Variants in PI4KA observed in about 807,000 individuals in gnomAD.
PI4KA encodes the protein PI4-kinase alpha.
PI4KA carries 122 observed loss-of-function variants against 271.4 expected under a neutral mutation model. The ratio of observed to expected loss-of-function variants is 0.45; its 90% confidence interval spans 0.39 to 0.52. PI4KA has a LOEUF of 0.52. Ranked by LOEUF, PI4KA falls within the 20% of genes least tolerant of loss-of-function variation. PI4KA has a pLI of 0.00. For missense variants in PI4KA, 1,969 were observed against 2,769.1 expected (o/e 0.71, Z 6.48); for synonymous variants, 1,041 against 1,078.8 (o/e 0.96, Z 0.69).
At chr22:20,838,267 T>C (rs1222739069) in intron 2 of PI4KA, among the ~76,000 whole-genome samples, 1 of 152,212 alleles carries the variant, frequency 6.6e-6, no homozygotes, top group Non-Finnish European at 1.5e-5. Flanking sequence ...TGAGTCTGAC[T>C]GATAAGCATT....
At chr22:20,733,915 T>C in intron 34 of PI4KA, 72 bp from the exon 35 acceptor site, 1 of 1,599,126 alleles carries the variant, frequency 6.3e-7, no homozygotes, top group South Asian at 1.1e-5. Flanking sequence ...TGGACTCTCT[T>C]CCCTGCCCTT....
chr22:20,793,951 C>T lies in PI4KA; in HGVS notation c.2278-708G>A, dbSNP rs193227277. Among the ~76,000 whole-genome samples the T allele has an allele frequency of 4.6e-5, 7 of 152,338 alleles. No homozygotes were observed. The East Asian group carries it at 5.8e-4, about 13-fold the overall frequency. On this transcript the variant is annotated intron_variant, in intron 18 of 54. Transcript: ENST00000255882. ...AGCTGAAGACCTTGAGCATACACTG[C>T]GGCCAGGCACTGTGCTCAGTGCTTC...
chr22:20,853,694 T>C (rs1304835981), intron 1 of PI4KA, among the ~76,000 whole-genome samples: 3 of 152,100 alleles, frequency 2.0e-5, no homozygotes, highest in African/African-American at 7.2e-5. Flanking sequence ...AGCTCAGCCA[T>C]GGATCAGAAC....
intron 42 of PI4KA, chr22:20,722,125 A>C (rs1224112335): frequency 6.6e-6 from 1 of 152,184 alleles, no homozygotes; most frequent in Non-Finnish European, 1.5e-5. Flanking sequence ...CTCCCCAGCC[A>C]CGTGGAACTG....
intron 7 of PI4KA, among the ~76,000 whole-genome samples, chr22:20,814,481 G>A (rs79769336): frequency 0.03 from 4,521 of 152,250 alleles, 88 homozygotes; most frequent in Middle Eastern, 0.061. Flanking sequence ...CAAGCATGGT[G>A]GCTCATGCCT....
rs188602363 is a variant in PI4KA at position 20,758,730 on chromosome 22, C to T, written c.2791+2574G>A. Reference sequence around the variant, plus strand: ...GGTCCTGGGGCATGTGTGTGAGACTCTCTGAATGTGGCCCCCACCCCGCCC... The same window carrying T: ...GGTCCTGGGGCATGTGTGTGAGACTTTCTGAATGTGGCCCCCACCCCGCCC... On this transcript the variant is annotated intron_variant, in intron 23 of 54. Transcript: ENST00000255882. 1.7e-3 allele frequency among the ~76,000 whole-genome samples: 259 copies of T among 152,202 alleles called. 2 individuals are homozygous for T. The highest frequency in any genetic ancestry group is 6.0e-3 in the African/African-American group (249 of 41,536).
intron 42 of PI4KA, among the ~76,000 whole-genome samples, chr22:20,726,024 T>C (rs1044173665): frequency 4.6e-5 from 7 of 151,928 alleles, no homozygotes; most frequent in Non-Finnish European, 8.8e-5. Flanking sequence ...TGTTTGTTTG[T>C]TTTGTTTTTT....
At chr22:20,742,868 C>A in intron 30 of PI4KA, 104 bp from the exon 31 acceptor site, 1 of 978,070 alleles carries the variant, frequency 1.0e-6, no homozygotes, top group Non-Finnish European at 1.6e-6. Flanking sequence ...GTGGGTGCCT[C>A]GCTGCCCCAA....
At chr22:20,847,216 G>C (rs1331964351) in intron 1 of PI4KA, among the ~76,000 whole-genome samples, 1 of 151,504 alleles carries the variant, frequency 6.6e-6, no homozygotes, top group Non-Finnish European at 1.5e-5. Context: ...GAAGATCTGT[G>C]CAGCAAACCA....
intron 1 of PI4KA, among the ~76,000 whole-genome samples, chr22:20,854,189 C>G (rs909454183): frequency 1.3e-5 from 2 of 150,652 alleles, no homozygotes; most frequent in Non-Finnish European, 3.0e-5. Flanking sequence ...GGTGAGATCT[C>G]GGCTTACTGC....
At chr22:20,850,750 T>A (rs986027353) in intron 1 of PI4KA, among the ~76,000 whole-genome samples, 3 of 152,090 alleles carry the variant, frequency 2.0e-5, no homozygotes, top group Non-Finnish European at 4.4e-5. Flanking sequence ...TAAAATTTTT[T>A]AAAATTTTCG....
intron 42 of PI4KA, chr22:20,725,768 C>T (rs1035322308): frequency 1.3e-5 from 4 of 297,668 alleles, no homozygotes; most frequent in African/African-American, 6.5e-5. Flanking sequence ...TGGTCGCACA[C>T]GCCTGTCATC....
intron 7 of PI4KA, among the ~76,000 whole-genome samples, chr22:20,814,792 T>C (rs1331966406): frequency 6.6e-6 from 1 of 151,620 alleles, no homozygotes; most frequent in Non-Finnish European, 1.5e-5. Flanking sequence ...ATGTGTATTT[T>C]ACCACAATAA....
intron 6 of PI4KA, 85 bp from the exon 7 acceptor site, chr22:20,818,634 G>T: frequency 2.0e-6 from 2 of 1,016,110 alleles, no homozygotes; most frequent in South Asian, 1.9e-5. Flanking sequence ...CTCTCTGCCA[G>T]CCCAATGTTT....
intron 3 of PI4KA, among the ~76,000 whole-genome samples, chr22:20,831,409 A>T (rs1184726472): frequency 6.6e-6 from 1 of 152,080 alleles, no homozygotes; most frequent in East Asian, 1.9e-4. Context: ...TCTACTAAAA[A>T]TACAAAAATT....
chr22:20,746,392 T>C (rs1930121802), intron 29 of PI4KA, among the ~76,000 whole-genome samples: 1 of 152,226 alleles, frequency 6.6e-6, no homozygotes, highest in South Asian at 2.1e-4. Context: ...TTAAAAAAAA[T>C]AACTTAGAGA....
At chr22:20,788,558 C>A (rs1255179662) in intron 19 of PI4KA, among the ~76,000 whole-genome samples, 2 of 152,262 alleles carry the variant, frequency 1.3e-5, no homozygotes, top group Admixed American at 6.5e-5. Flanking sequence ...GGGGACCCTG[C>A]AGCCCTGCTT....
At chr22:20,776,991 T>C (rs1003048351) in intron 19 of PI4KA, among the ~76,000 whole-genome samples, 5 of 151,978 alleles carry the variant, frequency 3.3e-5, no homozygotes, top group African/African-American at 9.7e-5. Flanking sequence ...ATCTATCTAA[T>C]AGGAAATGGT....
At chr22:20,739,294 G>A (rs1044689491) in intron 32 of PI4KA, among the ~76,000 whole-genome samples, 32 of 150,428 alleles carry the variant, frequency 2.1e-4, no homozygotes, top group African/African-American at 6.6e-4. Flanking sequence ...AGCCAAGATC[G>A]GGCCACTGCA....
Sources: allele counts gnomAD v4.1 joint callset (sites outside exome capture counted in the v4.1 genomes callset), GRCh38; gene constraint gnomAD v4.1.1; transcripts MANE v1.5; gene names NCBI Gene and HGNC (gene_info 2026-07-23, HGNC 2026-07-21).